VSTM2A: variants seen among roughly 807,000 people sequenced by gnomAD.
VSTM2A encodes the protein V-set and transmembrane domain-containing protein 2A.
In VSTM2A, 13 loss-of-function variants were observed where a neutral mutation model predicts 27.3. The observed-to-expected ratio is 0.48, with a 90% CI of 0.31 to 0.76. The LOEUF (loss-of-function observed/expected upper bound fraction) is 0.76, where lower values mean the gene tolerates loss of function less well. VSTM2A is among the 30% of genes least tolerant of loss of function. The pLI, the probability that VSTM2A is intolerant of heterozygous loss-of-function variation, is 0.05. For synonymous variants in VSTM2A, 142 were observed against 125.7 expected, an observed-to-expected ratio of 1.13 and a Z score of -0.87; for missense variants, 280 against 310.0, an observed-to-expected ratio of 0.90 and a Z score of 0.73.
chr7:54,549,722 A>C (rs537950835), intron 3 of VSTM2A, 112 bp from the exon 4 acceptor site: 1 of 981,486 alleles, frequency 1.0e-6, no homozygotes, highest in Non-Finnish European at 1.5e-6. Flanking sequence ...CACTATGGCT[A>C]TGGGGCCATT....
At position 54,570,414 on chromosome 7, in the gene VSTM2A, T is replaced by C. The variant is rs1173505007; in HGVS notation, c.*1195T>C. ...TAAAAATGCTGCTTCCTTTGACCTT[T>C]ATGAATTTCTGTACCTTTGTCATTC... On this transcript the variant is annotated 3_prime_UTR_variant, in exon 5 of 5. Transcript: ENST00000402613. The C allele has an allele frequency of 6.6e-6, 1 of 152,208 alleles. No individual in the cohort carries two copies. The highest frequency in any genetic ancestry group is 1.9e-4 in the East Asian group (1 of 5,198). 9.4% of individuals were successfully genotyped at this position (152,208 alleles called of 1,614,324 possible). A position where few individuals can be genotyped will look rare whatever the true frequency, so the allele number is the denominator to read the frequency against.
chr7:54,549,980 C>T lies in VSTM2A; in HGVS notation c.444C>T (p.Val148=), dbSNP rs1788128811. The T allele has an allele frequency of 6.2e-7, 1 of 1,613,288 alleles. No homozygotes were observed. Among genetic ancestry groups the T allele is most frequent in the African/African-American group, 1.3e-5 (1 of 74,912 alleles). Residue 148 remains valine (V), a synonymous_variant, in exon 4 of 5, where the codon GTC becomes GTT. Coordinates refer to ENST00000402613, the MANE Select transcript of VSTM2A (RefSeq NM_001301009.2). The stretch of plus-strand genomic sequence containing the variant: ...ACAAGGCCCAGGCCTATCTGAAAGT[C>T]AATGCCAACAGCCATGCCCGCAGAA... The part of the protein sequence containing the change: ...QEHKAQAYLK[V]NANSHARRMQ...
chr7:54,551,129 A>G (rs2115824609), intron 4 of VSTM2A: 1 of 121,416 alleles, frequency 8.2e-6, no homozygotes, highest in East Asian at 2.2e-4. Flanking sequence ...CTCATCTCAT[A>G]TCGTCCTGAA....
At chr7:54,567,444 A>T (rs553198078) in intron 4 of VSTM2A, among the ~76,000 whole-genome samples, 1 of 152,294 alleles carries the variant, frequency 6.6e-6, no homozygotes, top group African/African-American at 2.4e-5. Context: ...TATGATAGGA[A>T]ATGCTGCATC....
At chr7:54,559,291 C>T (rs1788474591) in intron 4 of VSTM2A, 1 of 151,830 alleles carries the variant, frequency 6.6e-6, no homozygotes, top group South Asian at 2.1e-4. Context: ...ATATGAAGAC[C>T]ACTAAAACAC....
chr7:54,561,727 A>G (rs1042830267), intron 4 of VSTM2A, among the ~76,000 whole-genome samples: 1 of 152,202 alleles, frequency 6.6e-6, no homozygotes, highest in African/African-American at 2.4e-5. Context: ...ATTAAGGAAA[A>G]GGGTAAGGCC....
chr7:54,555,086 A>G (rs185612369), intron 4 of VSTM2A, among the ~76,000 whole-genome samples: 2 of 152,306 alleles, frequency 1.3e-5, no homozygotes, highest in East Asian at 1.9e-4. Flanking sequence ...AGCCTTGAAA[A>G]TGTTCTCATC....
chr7:54,545,125 AG>A (rs919479170), intron 2 of VSTM2A, among the ~76,000 whole-genome samples: 1 of 151,946 alleles, frequency 6.6e-6, no homozygotes, highest in African/African-American at 2.4e-5. Context: ...GGACGAAAGG[AG>A]GGGGAGGGGA....
At chr7:54,556,738 T>C (rs1047226483) in intron 4 of VSTM2A, among the ~76,000 whole-genome samples, 3 of 152,238 alleles carry the variant, frequency 2.0e-5, no homozygotes, top group African/African-American at 4.8e-5. Flanking sequence ...CAGAATTATG[T>C]AGATTAAGAG....
chr7:54,545,377 G>A (rs1345628183), intron 2 of VSTM2A, among the ~76,000 whole-genome samples: 4 of 148,846 alleles, frequency 2.7e-5, no homozygotes, highest in Non-Finnish European at 4.5e-5. Flanking sequence ...GCACAGAGAA[G>A]GAGAAAGAGA....
At chr7:54,568,799 T>C (rs1788802972) in intron 4 of VSTM2A, among the ~76,000 whole-genome samples, 1 of 152,178 alleles carries the variant, frequency 6.6e-6, no homozygotes, top group Non-Finnish European at 1.5e-5. Flanking sequence ...GGTGGCATTG[T>C]TTGAAAACAG....
intron 3 of VSTM2A, among the ~76,000 whole-genome samples, chr7:54,548,860 A>C (rs995989806): frequency 2.6e-5 from 4 of 151,798 alleles, no homozygotes; most frequent in African/African-American, 7.3e-5. Flanking sequence ...AGCAGAAAAA[A>C]TAACTTTCGG....
At position 54,542,522 on chromosome 7, in the gene VSTM2A, G is replaced by A; in HGVS notation, c.-209G>A. The A allele has an allele frequency of 1.7e-6, 1 of 571,672 alleles. No individual in the cohort carries two copies. Among genetic ancestry groups the A allele is most frequent in the Non-Finnish European group, 3.1e-6 (1 of 324,092 alleles). 35.4% of individuals were successfully genotyped at this position (571,672 alleles called of 1,614,324 possible). The stretch of plus-strand genomic sequence containing the variant: ...AGCGATTCCAGCCTGGGCTCCGCAG[G>A]AAGCCTCGCTGAATCCCAGCCAGCT... On this transcript the variant is annotated 5_prime_UTR_variant, in exon 1 of 5. Transcript: ENST00000402613.
chr7:54,561,356 G>T (rs1310093450), intron 4 of VSTM2A, among the ~76,000 whole-genome samples: 4 of 148,608 alleles, frequency 2.7e-5, no homozygotes, highest in East Asian at 2.0e-4. Context: ...GAATATACAT[G>T]AAGTTTAATG....
chr7:54,560,960 T>C (rs1457608386), intron 4 of VSTM2A, among the ~76,000 whole-genome samples: 3 of 152,214 alleles, frequency 2.0e-5, no homozygotes, highest in African/African-American at 4.8e-5. Context: ...AGACACACCC[T>C]GAGGAGCCTG....
chr7:54,544,698 C>T lies in VSTM2A; in HGVS notation c.156C>T (p.Ser52=), dbSNP rs762272889. ...QNVEMSCAFQ[S]GSASVYLEIQ... ...TGGAGATGTCCTGCGCCTTCCAGAG[C>T]GGCTCCGCCTCGGTGTATCTGGAGA... Residue 52 remains serine (S), a synonymous_variant, in exon 2 of 5, where the codon AGC becomes AGT. Coordinates refer to ENST00000402613, the MANE Select transcript of VSTM2A (RefSeq NM_001301009.2). The T allele has an allele frequency of 3.7e-6, 6 of 1,612,834 alleles. No individual in the cohort carries two copies. In the East Asian group the frequency reaches 1.1e-4, roughly 30 times the overall value.
At position 54,549,887 on chromosome 7, in the gene VSTM2A, G is replaced by T; in HGVS notation, c.351G>T (p.Val117=). 3 of 1,612,356 alleles carry T rather than the reference G, an allele frequency of 1.9e-6. No homozygotes were observed. The highest frequency in any genetic ancestry group is 2.5e-6 in the Non-Finnish European group (3 of 1,179,292). ...CCCACAAGCTTCAGATTTCCAAAGT[G>T]AGGAAAAAGGATGAAGGCTTATATG... ...DISHKLQISK[V]RKKDEGLYEC... is the part of the protein sequence containing the mutation. The change falls in exon 4 of 5, where the codon GTG becomes GTT. Residue 117 remains valine (V), a synonymous_variant. Transcript: ENST00000402613.
intron 1 of VSTM2A, among the ~76,000 whole-genome samples, chr7:54,543,894 T>C (rs1417256840): frequency 6.6e-6 from 1 of 152,234 alleles, no homozygotes; most frequent in Non-Finnish European, 1.5e-5. Flanking sequence ...TCTTGCAAAC[T>C]AGCAGTGTCA....
At chr7:54,555,113 A>G (rs1788312601) in intron 4 of VSTM2A, among the ~76,000 whole-genome samples, 1 of 152,220 alleles carries the variant, frequency 6.6e-6, no homozygotes, top group African/African-American at 2.4e-5. Context: ...GTCAGCTGCC[A>G]CACTGAATTG....
Sources: gnomAD v4.1 joint callset for allele counts (sites outside exome capture counted in the v4.1 genomes callset) on GRCh38, gnomAD v4.1.1 for gene constraint, MANE v1.5 for transcripts, NCBI Gene and HGNC (gene_info 2026-07-23, HGNC 2026-07-21) for gene names.